Variants in MIGA2 observed in about 807,000 individuals in gnomAD.
MIGA2 encodes mitoguardin 2.
In MIGA2, 36 loss-of-function variants were observed where a neutral mutation model predicts 69.9. That is an observed-to-expected ratio of 0.52 (90% CI 0.39 to 0.68). The LOEUF is 0.68. Among genes scored for constraint, MIGA2 ranks in the 30% least tolerant of loss-of-function variants. MIGA2 has a pLI of 0.00. For synonymous variants in MIGA2, 333 were observed against 349.2 expected, an observed-to-expected ratio of 0.95 and a Z score of 0.52; for missense variants, 660 against 787.7, an observed-to-expected ratio of 0.84 and a Z score of 1.94.
chr9:129,049,351 C>T, intron 4 of MIGA2, 30 bp from the exon 5 acceptor site: 1 of 1,608,182 alleles, frequency 6.2e-7, no homozygotes, highest in Non-Finnish European at 8.5e-7. Flanking sequence ...GAAAGCTTCA[C>T]TCTTTCTTCT....
chr9:129,052,782 C>G, intron 6 of MIGA2, among the ~76,000 whole-genome samples: 1 of 152,160 alleles, frequency 6.6e-6, no homozygotes, highest in East Asian at 1.9e-4. Flanking sequence ...TGTCCATGCT[C>G]TCTGTCCCTG....
At position 129,061,352 on chromosome 9, in the gene MIGA2, C is replaced by A; in HGVS notation, c.1010+6C>A. The A allele has an allele frequency of 6.4e-7, 1 of 1,550,424 alleles. No individual in the cohort carries two copies. The highest frequency in any genetic ancestry group is 8.9e-7 in the Non-Finnish European group (1 of 1,127,634). The stretch of plus-strand genomic sequence containing the variant: ...GTGCCTTGCCGGACCCTCAGGTGAG[C>A]AGGTGTGGAGGGAGGGAGGGAGGGA... On this transcript the variant is annotated splice_donor_region_variant and intron_variant, in intron 9 of 15. Transcript: ENST00000684074. This position sits in a 1 kb window ranked among gnomAD's most constrained non-coding sequence, Gnocchi z 5.0.
At chr9:129,037,105 G>A (rs186415926) in intron 1 of MIGA2, 23 of 970,622 alleles carry the variant, frequency 2.4e-5, no homozygotes, top group Middle Eastern at 5.7e-4. Flanking sequence ...TCTGAAGACG[G>A]GGATATTGCT....
rs1404137340 is a variant in MIGA2, at chr9:129,048,424, C to T, written c.308-3C>T. The T allele has an allele frequency of 4.3e-6, 7 of 1,613,506 alleles. No homozygotes were observed. Among genetic ancestry groups the T allele is most frequent in the Non-Finnish European group, 5.1e-6 (6 of 1,179,514 alleles). On this transcript the variant is annotated splice_region_variant and splice_polypyrimidine_tract_variant and intron_variant, in intron 3 of 15. Coordinates refer to ENST00000684074, the MANE Select transcript of MIGA2 (RefSeq NM_001329990.2). ...GTGACGCCTGCCCTTCTGCTCCTCA[C>T]AGGATACTCCAGCCGGAGAGTCCAG...
At position 129,041,042 on chromosome 9, in the gene MIGA2, T is replaced by C. The variant is rs7867374; in HGVS notation, c.96+352T>C. 8.1e-3 allele frequency among the ~76,000 whole-genome samples: 1,223 copies of C among 151,750 alleles called. 13 individuals carry two copies. Among genetic ancestry groups the C allele is most frequent in the African/African-American group, 0.028 (1,149 of 41,356 alleles). On this transcript the variant is annotated intron_variant, in intron 2 of 15. Coordinates refer to ENST00000684074, the MANE Select transcript of MIGA2 (RefSeq NM_001329990.2). Reference sequence around the variant, plus strand: ...CCTGTCTCTACTAAAAATACAAAAATTAGGCGGGTAGGCTGGGCACAGTGG... The same window carrying C: ...CCTGTCTCTACTAAAAATACAAAAACTAGGCGGGTAGGCTGGGCACAGTGG...
In MIGA2 at chr9:129,068,811, G is replaced by A. The variant is rs893417725; in HGVS notation, c.1405-265G>A. 2 of 523,744 alleles carry A rather than the reference G, an allele frequency of 3.8e-6. No homozygotes were observed. Among genetic ancestry groups the A allele is most frequent in the Non-Finnish European group, 6.9e-6 (2 of 289,286 alleles). 32.4% of individuals were successfully genotyped at this position (523,744 alleles called of 1,614,324 possible). On this transcript the variant is annotated intron_variant, in intron 13 of 15. Coordinates refer to ENST00000684074, the MANE Select transcript of MIGA2 (RefSeq NM_001329990.2). The surrounding 1 kb of genome is among the most constrained non-coding windows in gnomAD (Gnocchi z 4.1). ...GCTCCCACAACCACCAAAGGAGGTG[G>A]GAGTGCTGTGTTGTGCCCCTTTACA...
intron 6 of MIGA2, among the ~76,000 whole-genome samples, chr9:129,056,355 G>A (rs764606330): frequency 4.6e-5 from 7 of 151,826 alleles, no homozygotes; most frequent in East Asian, 1.9e-4. Flanking sequence ...TCCCCCTTCC[G>A]AGCCTTGTCT....
intron 6 of MIGA2, among the ~76,000 whole-genome samples, chr9:129,053,517 C>A (rs1845652903): frequency 6.6e-6 from 1 of 151,942 alleles, no homozygotes; most frequent in Non-Finnish European, 1.5e-5. Flanking sequence ...GCATGTGTCA[C>A]CACGCCCGGC....
In MIGA2 at chr9:129,070,629, A is replaced by G; in HGVS notation, c.*176A>G. 1 of 684,960 alleles carries G rather than the reference A, an allele frequency of 1.5e-6. No individual in the cohort carries two copies. Among genetic ancestry groups the G allele is most frequent in the East Asian group, 2.8e-5 (1 of 36,248 alleles). The allele number at this position is 684,960 out of a possible 1,614,324, so 42.4% of individuals were successfully genotyped here. A position where few individuals can be genotyped will look rare whatever the true frequency, so the allele number is the denominator to read the frequency against. On this transcript the variant is annotated 3_prime_UTR_variant, in exon 16 of 16. Coordinates refer to ENST00000684074, the MANE Select transcript of MIGA2 (RefSeq NM_001329990.2). ...CATGGAGAAGAACGGTTCCTGGGGG[A>G]AGCAGAGGCCAGGACCAGTGGGGCC...
rs763409921 is a variant in MIGA2, at chr9:129,068,494, C to A, written c.1404+162C>A. The A allele has an allele frequency of 5.4e-6, 5 of 932,734 alleles. No homozygotes were observed. The South Asian group carries it at 6.9e-5, about 13-fold the overall frequency. The allele number at this position is 932,734 out of a possible 1,614,324, so 57.8% of individuals were successfully genotyped here. A position where few individuals can be genotyped will look rare whatever the true frequency, so the allele number is the denominator to read the frequency against. The stretch of plus-strand genomic sequence containing the variant: ...GAGACCAGAGTCTGCCCTGGAGAAG[C>A]CTCCAGGGTGCCCCGTTGCTGCCTG... On this transcript the variant is annotated intron_variant, in intron 13 of 15. Coordinates refer to ENST00000684074, the MANE Select transcript of MIGA2 (RefSeq NM_001329990.2). The surrounding 1 kb of genome is among the most constrained non-coding windows in gnomAD (Gnocchi z 4.1).
In MIGA2 at chr9:129,040,570, CTT is replaced by C. The variant is rs1340541851; in HGVS notation, c.-23_-22del. The stretch of plus-strand genomic sequence containing the variant: ...CCTTGGAAGCTCTTGGCCCTGAGGA[CTT>C]TGCCTGGGGCATTGGCCCTGCCATG... On this transcript the variant is annotated 5_prime_UTR_variant, in exon 2 of 16. Transcript: ENST00000684074. 6.2e-7 allele frequency: 1 copy of C among 1,602,592 alleles called. No individual in the cohort carries two copies. The highest frequency in any genetic ancestry group is 8.5e-7 in the Non-Finnish European group (1 of 1,171,922).
rs576230608 is a variant in MIGA2, at chr9:129,060,251, C to T, written c.794-299C>T. Reference sequence around the variant, plus strand: ...CTGCAGAGCTTGGGCCTTCAGGCCTCAGGTCCAGCGGTGCAACCTGTGAGC... The same window carrying T: ...CTGCAGAGCTTGGGCCTTCAGGCCTTAGGTCCAGCGGTGCAACCTGTGAGC... On this transcript the variant is annotated intron_variant, in intron 7 of 15. Coordinates refer to ENST00000684074, the MANE Select transcript of MIGA2 (RefSeq NM_001329990.2). This position sits in a 1 kb window ranked among gnomAD's most constrained non-coding sequence, Gnocchi z 4.8. Among the ~76,000 whole-genome samples the T allele has an allele frequency of 1.1e-4, 16 of 152,318 alleles. No homozygotes were observed. Among genetic ancestry groups the T allele is most frequent in the African/African-American group, 3.4e-4 (14 of 41,580 alleles).
intron 6 of MIGA2, among the ~76,000 whole-genome samples, chr9:129,057,513 G>A (rs539993954): frequency 2.0e-5 from 3 of 151,678 alleles, no homozygotes; most frequent in African/African-American, 7.3e-5. Context: ...GGATGGTCTC[G>A]ATCTCCTGAC....
At chr9:129,037,239 G>A (rs1326010060) in intron 1 of MIGA2, among the ~76,000 whole-genome samples, 2 of 152,110 alleles carry the variant, frequency 1.3e-5, no homozygotes, top group South Asian at 2.1e-4. Flanking sequence ...GGGTCCAGAC[G>A]GAATGAGTGA....
rs115314075 is a variant in MIGA2 at position 129,068,451 on chromosome 9, C to T, written c.1404+119C>T. The T allele has an allele frequency of 7.2e-4, 1,018 of 1,419,330 alleles. 10 individuals carry two copies. The African/African-American group carries it at 0.012, about 17-fold the overall frequency. The allele number at this position is 1,419,330 out of a possible 1,614,324, so 87.9% of individuals were successfully genotyped here. A position where few individuals can be genotyped will look rare whatever the true frequency, so the allele number is the denominator to read the frequency against. On this transcript the variant is annotated intron_variant, in intron 13 of 15. Transcript: ENST00000684074. This position sits in a 1 kb window ranked among gnomAD's most constrained non-coding sequence, Gnocchi z 4.1. ...GGGCTGGGCCCCCACCCCCTAGATC[C>T]GCGGCTGCCAGGCCTGGGAGACCAG...
rs34457777 is a variant in MIGA2, at chr9:129,066,656, CA to C, written c.1171-1100del. Reference sequence around the variant, plus strand: ...GCCACTGCACTCCAGCCTGGGCGACCAAAAAAAAAAAAAAAAAGAAAGGCTG... The same window carrying C: ...GCCACTGCACTCCAGCCTGGGCGACCAAAAAAAAAAAAAAAAGAAAGGCTG... On this transcript the variant is annotated intron_variant, in intron 11 of 15. Coordinates refer to ENST00000684074, the MANE Select transcript of MIGA2 (RefSeq NM_001329990.2). 6.3e-3 allele frequency among the ~76,000 whole-genome samples: 452 copies of C among 71,282 alleles called. 2 individuals are homozygous for C. The highest frequency in any genetic ancestry group is 0.023 in the Middle Eastern group (2 of 88). 46.8% of individuals were successfully genotyped at this position (71,282 alleles called of 152,430 possible). A position where few individuals can be genotyped will look rare whatever the true frequency, so the allele number is the denominator to read the frequency against.
rs1846028293 is a variant in MIGA2, at chr9:129,060,765, A to G, written c.894+115A>G. 1.2e-6 allele frequency: 1 copy of G among 810,516 alleles called. No individual in the cohort carries two copies. 50.2% of individuals were successfully genotyped at this position (810,516 alleles called of 1,614,324 possible). ...TGGAGGCATTTCCTCTGATGGGAGA[A>G]TTTGGATGCTCCCACGGGCCTCCTC... is the stretch of plus-strand genomic sequence containing the variant. On this transcript the variant is annotated intron_variant, in intron 8 of 15. Transcript: ENST00000684074. This position sits in a 1 kb window ranked among gnomAD's most constrained non-coding sequence, Gnocchi z 4.8.
Position 129,068,758 on chromosome 9 carries a change from G to A in MIGA2, c.1405-318G>A. The A allele has an allele frequency of 2.2e-6, 1 of 448,948 alleles. No homozygotes were observed. The highest frequency in any genetic ancestry group is 2.7e-5 in the South Asian group (1 of 36,936). The allele number at this position is 448,948 out of a possible 1,614,324, so 27.8% of individuals were successfully genotyped here. ...CTGTGCTGCCTGGGCCCAGGCTTCTGCGAGGTGGTTTACAGGCGGGAACCA... is the reference window on the plus strand; with the variant it reads ...CTGTGCTGCCTGGGCCCAGGCTTCTACGAGGTGGTTTACAGGCGGGAACCA... On this transcript the variant is annotated intron_variant, in intron 13 of 15. Coordinates refer to ENST00000684074, the MANE Select transcript of MIGA2 (RefSeq NM_001329990.2). This position sits in a 1 kb window ranked among gnomAD's most constrained non-coding sequence, Gnocchi z 4.1.
intron 2 of MIGA2, among the ~76,000 whole-genome samples, 186 bp downstream of exon 2, chr9:129,040,876 C>CT (rs375570795): frequency 1.3e-3 from 192 of 150,054 alleles, no homozygotes; most frequent in African/African-American, 4.1e-3. Context: ...TATACGAACT[C>CT]TTTTTTTTTT....
Sources: allele counts gnomAD v4.1 joint callset (sites outside exome capture counted in the v4.1 genomes callset), GRCh38; gene constraint gnomAD v4.1.1; non-coding constraint Gnocchi (gnomAD v3.1); transcripts MANE v1.5; gene names NCBI Gene and HGNC (gene_info 2026-07-23, HGNC 2026-07-21).